SRBD1: variants seen among roughly 807,000 people sequenced by gnomAD.
SRBD1 encodes the protein S1 RNA binding domain 1.
Under a neutral mutation model 115.3 loss-of-function variants are expected in SRBD1, and 88 were observed. The ratio of observed to expected loss-of-function variants is 0.76; its 90% CI spans 0.64 to 0.91. The LOEUF is 0.91. SRBD1 is among the 40% of genes least tolerant of loss of function. The probability of loss-of-function intolerance (pLI) is 0.00; values close to 1 mark genes in which losing one functional copy is unlikely to be tolerated. For missense variants in SRBD1, 1,385 were observed against 1,177.4 expected (o/e 1.18, Z -2.58); for synonymous variants, 509 against 407.7 (o/e 1.25, Z -2.99).
intron 16 of SRBD1, among the ~76,000 whole-genome samples, chr2:45,458,295 G>A (rs537888134): frequency 2.0e-5 from 3 of 152,142 alleles, no homozygotes; most frequent in Admixed American, 1.3e-4. Context: ...TTATTTTGAA[G>A]GGTAAAACTA....
At chr2:45,533,565 A>G (rs1046093270) in intron 14 of SRBD1, among the ~76,000 whole-genome samples, 2 of 152,080 alleles carry the variant, frequency 1.3e-5, no homozygotes, top group African/African-American at 4.8e-5. Context: ...ACAAAATTGT[A>G]TACAGGAAAT....
intron 10 of SRBD1, among the ~76,000 whole-genome samples, chr2:45,560,456 T>G (rs928916767): frequency 6.6e-6 from 1 of 152,226 alleles, no homozygotes; most frequent in Admixed American, 6.5e-5. Context: ...TAATAACAGA[T>G]ACCATCAAAG....
chr2:45,418,594 T>C, intron 17 of SRBD1, 53 bp from the exon 18 acceptor site: 1 of 1,530,164 alleles, frequency 6.5e-7, no homozygotes, highest in South Asian at 1.2e-5. Context: ...GAAAAGACAA[T>C]GATATAAAAC....
At chr2:45,494,906 C>A (rs1351600572) in intron 14 of SRBD1, among the ~76,000 whole-genome samples, 1 of 152,152 alleles carries the variant, frequency 6.6e-6, no homozygotes, top group Non-Finnish European at 1.5e-5. Flanking sequence ...AGAAGCAATT[C>A]TTCAATTACC....
intron 4 of SRBD1, among the ~76,000 whole-genome samples, chr2:45,593,715 G>A (rs756700894): frequency 6.6e-6 from 1 of 152,090 alleles, no homozygotes; most frequent in Admixed American, 6.5e-5. Context: ...CCAAACCAGC[G>A]ACTGGCCACC....
At chr2:45,545,626 C>T (rs1672092759) in intron 14 of SRBD1, among the ~76,000 whole-genome samples, 1 of 152,088 alleles carries the variant, frequency 6.6e-6, no homozygotes, top group African/African-American at 2.4e-5. Context: ...TTGCAGTTCC[C>T]AGAATAGGGA....
At chr2:45,526,797 G>A (rs867249690) in intron 14 of SRBD1, among the ~76,000 whole-genome samples, 1 of 151,634 alleles carries the variant, frequency 6.6e-6, no homozygotes, top group Non-Finnish European at 1.5e-5. Flanking sequence ...ATAATCTTAA[G>A]GAAGAAAAAT....
intron 19 of SRBD1, among the ~76,000 whole-genome samples, chr2:45,407,312 T>C (rs1572601985): frequency 6.6e-6 from 1 of 152,220 alleles, no homozygotes; most frequent in African/African-American, 2.4e-5. Flanking sequence ...TCTCCAATTT[T>C]CTAAATGCCT....
intron 14 of SRBD1, among the ~76,000 whole-genome samples, chr2:45,488,682 G>A (rs1162799173): frequency 1.3e-5 from 2 of 152,054 alleles, no homozygotes; most frequent in Non-Finnish European, 2.9e-5. Flanking sequence ...AGCCTCTCCT[G>A]TATTTATAAT....
chr2:45,557,725 T>C lies in SRBD1; in HGVS notation c.1410-3995A>G, dbSNP rs75017515. Among the ~76,000 whole-genome samples the C allele has an allele frequency of 3.9e-5, 6 of 152,378 alleles. No homozygotes were observed. In the East Asian group the frequency reaches 1.2e-3, roughly 29 times the overall value. ...GCATACTAAGGAACCTGAAATAGTA[T>C]AGTAAATTCACAAACCCTGTTGCTT... is the stretch of plus-strand genomic sequence containing the variant. On this transcript the variant is annotated intron_variant, in intron 10 of 20. Coordinates refer to ENST00000263736, the MANE Select transcript of SRBD1 (RefSeq NM_018079.5).
chr2:45,492,487 G>A (rs1233840945), intron 14 of SRBD1, among the ~76,000 whole-genome samples: 1 of 152,146 alleles, frequency 6.6e-6, no homozygotes, highest in African/African-American at 2.4e-5. Context: ...CGCCCAGGCT[G>A]GAGTGCAGTG....
intron 4 of SRBD1, among the ~76,000 whole-genome samples, chr2:45,596,943 CA>C (rs1673915730): frequency 6.7e-6 from 1 of 148,452 alleles, no homozygotes; most frequent in African/African-American, 2.5e-5. Flanking sequence ...CACACACACA[CA>C]CACACACCCA....
chr2:45,572,441 T>C (rs993294668), intron 9 of SRBD1, among the ~76,000 whole-genome samples: 4 of 152,154 alleles, frequency 2.6e-5, no homozygotes, highest in African/African-American at 2.4e-5. Flanking sequence ...TTTTATGTTA[T>C]GTTCATCTTA....
intron 14 of SRBD1, among the ~76,000 whole-genome samples, chr2:45,508,968 G>T (rs892929005): frequency 1.3e-5 from 2 of 152,110 alleles, no homozygotes; most frequent in African/African-American, 4.8e-5. Context: ...ATGTTTGCAG[G>T]GCACGGTGAG....
chr2:45,566,088 C>A (rs1369266065), intron 9 of SRBD1, among the ~76,000 whole-genome samples: 1 of 152,162 alleles, frequency 6.6e-6, no homozygotes, highest in East Asian at 1.9e-4. Flanking sequence ...GTAGAGAAAT[C>A]GGAACCTTCA....
rs869298079 is a variant in SRBD1 at position 45,421,510 on chromosome 2, C to CAAAAAAAAA, written c.2050-1625_2050-1617dup. 9.9e-4 allele frequency among the ~76,000 whole-genome samples: 22 copies of CAAAAAAAAA among 22,300 alleles called. 3 individuals are homozygous for CAAAAAAAAA. The highest frequency in any genetic ancestry group is 4.9e-3 in the East Asian group (6 of 1,226). 14.6% of individuals were successfully genotyped at this position (22,300 alleles called of 152,430 possible). Reference sequence around the variant, plus strand: ...TGACGGTGTGAGACTCCGTCTCAAACAAAAAAAAAAAAAAAAAAAAAAAAA... The same window carrying CAAAAAAAAA: ...TGACGGTGTGAGACTCCGTCTCAAACAAAAAAAAAAAAAAAAAAAAAAAAAAAAAAAAAA... On this transcript the variant is annotated intron_variant, in intron 16 of 20. Coordinates refer to ENST00000263736, the MANE Select transcript of SRBD1 (RefSeq NM_018079.5).
At chr2:45,462,573 C>A (rs1314743015) in intron 16 of SRBD1, among the ~76,000 whole-genome samples, 2 of 151,420 alleles carry the variant, frequency 1.3e-5, no homozygotes, top group Non-Finnish European at 2.9e-5. Context: ...TTAAAGACAA[C>A]ACATCAGCAG....
intron 4 of SRBD1, among the ~76,000 whole-genome samples, chr2:45,592,394 AG>A (rs1165610659): frequency 2.0e-5 from 3 of 152,164 alleles, no homozygotes; most frequent in Non-Finnish European, 2.9e-5. Context: ...GCCCACTCTA[AG>A]GGAAGAATCA....
chr2:45,604,400 G>A (rs1248084134), intron 2 of SRBD1, among the ~76,000 whole-genome samples: 3 of 151,812 alleles, frequency 2.0e-5, no homozygotes, highest in Non-Finnish European at 4.4e-5. Context: ...GTGGAGGAAG[G>A]GGAGGGCTTA....
Sources: gnomAD v4.1 joint callset for allele counts (sites outside exome capture counted in the v4.1 genomes callset) on GRCh38, gnomAD v4.1.1 for gene constraint, MANE v1.5 for transcripts, NCBI Gene and HGNC (gene_info 2026-07-23, HGNC 2026-07-21) for gene names.